Variants in MAP4K4 observed in about 807,000 individuals in gnomAD.
MAP4K4 encodes HPK/GCK-like kinase HGK.
MAP4K4 carries 38 observed loss-of-function variants against 189.6 expected under a neutral mutation model. The observed-to-expected ratio is 0.20, with a 90% CI of 0.15 to 0.26. MAP4K4 has a LOEUF of 0.26. Among genes scored for constraint, MAP4K4 ranks in the 10% least tolerant of loss-of-function variants. MAP4K4 has a pLI of 1.00. For missense variants in MAP4K4, 1,054 were observed against 1,726.9 expected (o/e 0.61, Z 6.91); for synonymous variants, 610 against 624.3 (o/e 0.98, Z 0.34).
At chr2:101,753,367 G>A (rs1316637294) in intron 2 of MAP4K4, among the ~76,000 whole-genome samples, 1 of 152,102 alleles carries the variant, frequency 6.6e-6, no homozygotes, top group Non-Finnish European at 1.5e-5. Flanking sequence ...GAAAATCTTT[G>A]TTTGAAATAG....
chr2:101,807,185 GGGTTATA>G (rs1175723407), intron 3 of MAP4K4, among the ~76,000 whole-genome samples: 2 of 151,856 alleles, frequency 1.3e-5, no homozygotes, highest in Non-Finnish European at 2.9e-5. Context: ...TGATTAGCTG[GGGTTATA>G]GGTGTGTGCC....
At chr2:101,754,625 A>G (rs992585854) in intron 2 of MAP4K4, among the ~76,000 whole-genome samples, 1 of 152,204 alleles carries the variant, frequency 6.6e-6, no homozygotes, top group African/African-American at 2.4e-5. Context: ...AAGTGCTGGG[A>G]TTACAGGCAT....
intron 2 of MAP4K4, among the ~76,000 whole-genome samples, chr2:101,714,597 G>A (rs1418831473): frequency 2.0e-5 from 3 of 152,242 alleles, no homozygotes; most frequent in Non-Finnish European, 1.5e-5. Flanking sequence ...GAGAAAATGA[G>A]CCTTCCTAAG....
At chr2:101,817,625 C>T (rs558592395) in intron 3 of MAP4K4, among the ~76,000 whole-genome samples, 1 of 152,224 alleles carries the variant, frequency 6.6e-6, no homozygotes, top group South Asian at 2.1e-4. Flanking sequence ...TGGAGGGGAT[C>T]CAGAGGGCGC....
intron 2 of MAP4K4, among the ~76,000 whole-genome samples, chr2:101,713,325 T>G (rs2149337525): frequency 6.6e-6 from 1 of 152,272 alleles, no homozygotes; most frequent in East Asian, 1.9e-4. Context: ...CTGAGTGCAG[T>G]GGCTCATTCC....
intron 2 of MAP4K4, among the ~76,000 whole-genome samples, chr2:101,734,615 TGCTCTGTGAGAACTG>T (rs2059683999): frequency 6.6e-6 from 1 of 152,180 alleles, no homozygotes; most frequent in Non-Finnish European, 1.5e-5. Context: ...TCCTGCATAT[TGCTCTGTGAGAACTG>T]GCCTGTCCTC....
rs147295068 is a variant in MAP4K4, at chr2:101,783,327, A to C, written c.124-7393A>C. On this transcript the variant is annotated intron_variant, in intron 2 of 32. Transcript: ENST00000324219. ...TAGAATTAGAATTTACTTGTTATGA[A>C]TCTAACCTTCACACACCAAACCCCC... Among the ~76,000 whole-genome samples the C allele has an allele frequency of 6.1e-3, 931 of 152,282 alleles. 12 individuals carry two copies. Among genetic ancestry groups the C allele is most frequent in the African/African-American group, 0.021 (874 of 41,546 alleles).
At chr2:101,702,022 C>T (rs1323927152) in intron 2 of MAP4K4, among the ~76,000 whole-genome samples, 2 of 152,104 alleles carry the variant, frequency 1.3e-5, no homozygotes, top group Admixed American at 6.5e-5. Flanking sequence ...CGTGCCATCA[C>T]GTCCAGCTAA....
At chr2:101,728,876 A>G (rs1020344125) in intron 2 of MAP4K4, among the ~76,000 whole-genome samples, 2 of 152,220 alleles carry the variant, frequency 1.3e-5, no homozygotes, top group African/African-American at 4.8e-5. Context: ...AGCTGCTCCT[A>G]TATCTTGTAG....
In MAP4K4 at chr2:101,753,765, G is replaced by T. The variant is rs190428443; in HGVS notation, c.124-36955G>T. Among the ~76,000 whole-genome samples, 32 of 152,134 alleles carry T rather than the reference G, an allele frequency of 2.1e-4. 1 individual carries two copies. Among genetic ancestry groups the T allele is most frequent in the Admixed American group, 1.8e-3 (28 of 15,276 alleles). On this transcript the variant is annotated intron_variant, in intron 2 of 32. Coordinates refer to ENST00000324219, the Ensembl canonical transcript of MAP4K4. ...GTGTTCATTATAGAAACTACCAAGG[G>T]ATTTTGGTGACTGTTTTGGATTTAA...
At chr2:101,714,110 A>G (rs957865685) in intron 2 of MAP4K4, among the ~76,000 whole-genome samples, 2 of 152,230 alleles carry the variant, frequency 1.3e-5, no homozygotes, top group African/African-American at 2.4e-5. Context: ...GTGACTTAAG[A>G]TAGGTTGGAA....
rs142373496 is a variant in MAP4K4 at position 101,795,888 on chromosome 2, G to T, written c.180+5112G>T. Among the ~76,000 whole-genome samples the T allele has an allele frequency of 2.0e-4, 30 of 152,282 alleles. No individual in the cohort carries two copies. The East Asian group carries it at 5.6e-3, about 28-fold the overall frequency. The stretch of plus-strand genomic sequence containing the variant: ...ATGTTCAGTGAATATAAAGTTCACA[G>T]TATTATAATAATATTACTACTTAAA... On this transcript the variant is annotated intron_variant, in intron 3 of 32. Coordinates refer to ENST00000324219, the Ensembl canonical transcript of MAP4K4.
At chr2:101,882,568 C>G in exon 28 of MAP4K4, 4 of 1,593,240 alleles carry the variant, frequency 2.5e-6, no homozygotes, top group Non-Finnish European at 3.4e-6. Flanking sequence ...GGATAAGTTA[C>G]GTGTCTACTA....
chr2:101,858,240 G>T (rs956292375), intron 13 of MAP4K4, among the ~76,000 whole-genome samples: 34 of 152,100 alleles, frequency 2.2e-4, no homozygotes, highest in Non-Finnish European at 1.9e-4. Flanking sequence ...TTTATAATAC[G>T]CATGCAGCTT....
chr2:101,846,538 G>A lies in MAP4K4; in HGVS notation c.1233+2227G>A, dbSNP rs193042948. ...ATCCATTATCCAGCCTCTGCATGTG[G>A]TAGGTGGTGAAGGTGAGCGATGGTA... On this transcript the variant is annotated intron_variant, in intron 12 of 32. Transcript: ENST00000324219. Among the ~76,000 whole-genome samples, 405 of 152,284 alleles carry A rather than the reference G, an allele frequency of 2.7e-3. 1 individual carries two copies. The highest frequency in any genetic ancestry group is 3.5e-3 in the Non-Finnish European group (238 of 68,030).
At chr2:101,750,117 C>T (rs1311203373) in intron 2 of MAP4K4, among the ~76,000 whole-genome samples, 3 of 149,396 alleles carry the variant, frequency 2.0e-5, no homozygotes, top group African/African-American at 7.5e-5. Context: ...CCTCAGGGAT[C>T]TAGAACTAGA....
chr2:101,807,210 C>G (rs957702580), intron 3 of MAP4K4, among the ~76,000 whole-genome samples: 8 of 152,004 alleles, frequency 5.3e-5, no homozygotes, highest in African/African-American at 1.9e-4. Flanking sequence ...GCCACCACAC[C>G]TGGCTAATTT....
At chr2:101,751,025 A>G (rs1001176959) in intron 2 of MAP4K4, among the ~76,000 whole-genome samples, 1 of 151,956 alleles carries the variant, frequency 6.6e-6, no homozygotes, top group Non-Finnish European at 1.5e-5. Flanking sequence ...CAACACTGAT[A>G]CCTGCCACTG....
intron 2 of MAP4K4, among the ~76,000 whole-genome samples, chr2:101,748,052 A>G (rs2066562514): frequency 6.6e-6 from 1 of 152,156 alleles, no homozygotes. Flanking sequence ...AGTTGTATAC[A>G]TTGTAGTCTG....
Sources: gnomAD v4.1 joint callset for allele counts (sites outside exome capture counted in the v4.1 genomes callset) on GRCh38, gnomAD v4.1.1 for gene constraint, MANE v1.5 for transcripts, NCBI Gene and HGNC (gene_info 2026-07-23, HGNC 2026-07-21) for gene names.